Variants in CACNA1C observed in about 807,000 individuals in gnomAD.
The protein encoded by CACNA1C is voltage-dependent L-type calcium channel subunit alpha-1C.
In CACNA1C, 30 loss-of-function variants were observed where a neutral mutation model predicts 229.0. The observed-to-expected ratio is 0.13, with a 90% CI of 0.10 to 0.18. The LOEUF (loss-of-function observed/expected upper bound fraction) is 0.18, where lower values mean the gene tolerates loss of function less well. CACNA1C is among the 10% of genes least tolerant of loss of function. The probability of loss-of-function intolerance (pLI) is 1.00; values close to 1 mark genes in which losing one functional copy is unlikely to be tolerated. For synonymous variants in CACNA1C, 1,114 were observed against 1,132.5 expected, an observed-to-expected ratio of 0.98 and a Z score of 0.33; for missense variants, 1,658 against 2,845.0, an observed-to-expected ratio of 0.58 and a Z score of 9.49.
intron 1 of CACNA1C, among the ~76,000 whole-genome samples, chr12:2,070,447 C>A (rs959574636): frequency 1.3e-5 from 2 of 152,104 alleles, no homozygotes; most frequent in Non-Finnish European, 2.9e-5. Flanking sequence ...TTTTTTAGTT[C>A]TTTCAGCAAT....
At position 2,215,973 on chromosome 12, in the gene CACNA1C, T is replaced by C. The variant is rs2059865894; in HGVS notation, c.477+95543T>C. On this transcript the variant is annotated intron_variant, in intron 3 of 46. Coordinates refer to ENST00000399655, the MANE Select transcript of CACNA1C (RefSeq NM_000719.7). This position sits in a 1 kb window ranked among gnomAD's most constrained non-coding sequence, Gnocchi z 5.0. ...TCACCATGCCGCCCATCAGTTGACATGCTCTGTTGTCAAGAACACAAGAAC... is the reference window on the plus strand; with the variant it reads ...TCACCATGCCGCCCATCAGTTGACACGCTCTGTTGTCAAGAACACAAGAAC... 6.6e-6 allele frequency among the ~76,000 whole-genome samples: 1 copy of C among 152,224 alleles called. No homozygotes were observed. The highest frequency in any genetic ancestry group is 1.5e-5 in the Non-Finnish European group (1 of 68,034).
chr12:1,983,803 T>C (rs1004904549), intron 1 of CACNA1C, among the ~76,000 whole-genome samples: 1 of 151,904 alleles, frequency 6.6e-6, no homozygotes, highest in African/African-American at 2.4e-5. Context: ...CTATTGATTG[T>C]AGAAAGTGGA....
chr12:2,413,870 T>G (rs1307338736), intron 3 of CACNA1C, among the ~76,000 whole-genome samples: 1 of 152,198 alleles, frequency 6.6e-6, no homozygotes, highest in South Asian at 2.1e-4. Context: ...TCCCTTCCTC[T>G]TCCCCAGGCA....
chr12:2,405,823 T>G (rs11831557), intron 3 of CACNA1C, among the ~76,000 whole-genome samples: 18,207 of 152,206 alleles, frequency 0.12, 1,335 homozygotes, highest in African/African-American at 0.2. Context: ...GAAAGTGTAT[T>G]CATTTGCCCA....
intron 3 of CACNA1C, among the ~76,000 whole-genome samples, chr12:2,308,441 A>G (rs2095221033): frequency 1.3e-5 from 2 of 152,222 alleles, no homozygotes; most frequent in Admixed American, 6.5e-5. Flanking sequence ...TGATGAGACT[A>G]TCCTTTCTCC....
At chr12:2,477,655 T>G (rs2099637225) in intron 5 of CACNA1C, among the ~76,000 whole-genome samples, 1 of 152,090 alleles carries the variant, frequency 6.6e-6, no homozygotes, top group African/African-American at 2.4e-5. Flanking sequence ...TGAGGTCAGG[T>G]TCTTCTGTCC....
chr12:2,139,842 GC>G (rs1194429212), intron 3 of CACNA1C, among the ~76,000 whole-genome samples: 1 of 151,238 alleles, frequency 6.6e-6, no homozygotes, highest in Non-Finnish European at 1.5e-5. Flanking sequence ...GGGTGAGGCC[GC>G]TCCCAGGACA....
intron 11 of CACNA1C, among the ~76,000 whole-genome samples, chr12:2,563,994 G>A (rs927088903): frequency 6.6e-5 from 10 of 152,180 alleles, no homozygotes; most frequent in East Asian, 1.9e-4. Context: ...AGGAGGTGAC[G>A]CTGAGGCTTG....
intron 13 of CACNA1C, among the ~76,000 whole-genome samples, chr12:2,568,976 G>T (rs1471109713): frequency 6.6e-6 from 1 of 152,198 alleles, no homozygotes; most frequent in African/African-American, 2.4e-5. Flanking sequence ...CTGTTCTTGA[G>T]CACCTGAGCT....
chr12:2,596,673 T>C (rs548869567), intron 20 of CACNA1C, among the ~76,000 whole-genome samples: 69 of 152,162 alleles, frequency 4.5e-4, no homozygotes, highest in African/African-American at 1.6e-3. Flanking sequence ...ACCTGAAATA[T>C]AATAAGTATG....
At chr12:2,664,509 T>A (rs1466296246) in intron 34 of CACNA1C, among the ~76,000 whole-genome samples, 1 of 152,242 alleles carries the variant, frequency 6.6e-6, no homozygotes, top group African/African-American at 2.4e-5. Flanking sequence ...AGCATACTCC[T>A]GTACAGCAGT....
intron 3 of CACNA1C, among the ~76,000 whole-genome samples, chr12:2,226,569 G>A (rs546461308): frequency 4.6e-5 from 7 of 152,326 alleles, no homozygotes; most frequent in African/African-American, 1.7e-4. Context: ...CATATCTCAT[G>A]TTTTTAAATT....
chr12:2,488,199 A>G lies in CACNA1C; in HGVS notation c.916+1937A>G, dbSNP rs2099704436. On this transcript the variant is annotated intron_variant, in intron 6 of 46. Coordinates refer to ENST00000399655, the MANE Select transcript of CACNA1C (RefSeq NM_000719.7). The surrounding 1 kb of genome is among the most constrained non-coding windows in gnomAD (Gnocchi z 4.0). ...AGCTGCAGGCAATTTCCATCATCCT[A>G]ACGAGAAAGCAGTCCAAGAGTGTTT... Among the ~76,000 whole-genome samples, 1 of 152,244 alleles carries G rather than the reference A, an allele frequency of 6.6e-6. No individual in the cohort carries two copies. The highest frequency in any genetic ancestry group is 1.5e-5 in the Non-Finnish European group (1 of 68,040).
intron 3 of CACNA1C, among the ~76,000 whole-genome samples, chr12:2,366,865 A>G (rs941643931): frequency 6.6e-6 from 1 of 152,212 alleles, no homozygotes; most frequent in African/African-American, 2.4e-5. Context: ...GGCATGTTTT[A>G]TCACAGCAAA....
intron 3 of CACNA1C, among the ~76,000 whole-genome samples, chr12:2,279,947 A>C (rs1395187929): frequency 2.6e-5 from 4 of 152,222 alleles, no homozygotes; most frequent in African/African-American, 9.6e-5. Flanking sequence ...CCTAGAATCA[A>C]TCCCCTACAG....
At chr12:2,437,888 GTGA>G (rs1286998817) in intron 3 of CACNA1C, among the ~76,000 whole-genome samples, 1 of 150,072 alleles carries the variant, frequency 6.7e-6, no homozygotes, top group Admixed American at 6.7e-5. Flanking sequence ...GGTGGCGGTG[GTGA>G]TGATGGTGAT....
intron 3 of CACNA1C, among the ~76,000 whole-genome samples, chr12:2,342,080 G>C (rs1229266380): frequency 6.6e-6 from 1 of 152,200 alleles, no homozygotes; most frequent in African/African-American, 2.4e-5. Flanking sequence ...TTTCCAAAGA[G>C]TAGAGAAATA....
intron 3 of CACNA1C, among the ~76,000 whole-genome samples, chr12:2,350,666 G>T (rs1345509643): frequency 6.6e-6 from 1 of 152,242 alleles, no homozygotes; most frequent in Non-Finnish European, 1.5e-5. Flanking sequence ...CCTCATATGG[G>T]CAGCAGAGGC....
At chr12:2,272,245 C>T (rs2085381911) in intron 3 of CACNA1C, among the ~76,000 whole-genome samples, 1 of 152,208 alleles carries the variant, frequency 6.6e-6, no homozygotes, top group African/African-American at 2.4e-5. Context: ...GGGCCCCATT[C>T]TCCTACTTGT....
Sources: allele counts gnomAD v4.1 joint callset (sites outside exome capture counted in the v4.1 genomes callset), GRCh38; gene constraint gnomAD v4.1.1; non-coding constraint Gnocchi (gnomAD v3.1); transcripts MANE v1.5; gene names NCBI Gene and HGNC (gene_info 2026-07-23, HGNC 2026-07-21).